The following SLC9A9 variants were observed in gnomAD, a reference collection of about 807,000 sequenced individuals.
SLC9A9 encodes the protein sodium/hydrogen exchanger 9.
Under a neutral mutation model 77.8 loss-of-function variants are expected in SLC9A9, and 62 were observed. The ratio of observed to expected loss-of-function variants is 0.80; its 90% confidence interval spans 0.65 to 0.98. SLC9A9 has a LOEUF of 0.98. Ranked by LOEUF, SLC9A9 falls within the 50% of genes least tolerant of loss-of-function variation. SLC9A9 has a pLI of 0.00. For synonymous variants in SLC9A9, 320 were observed against 283.5 expected (o/e 1.13, Z -1.29); for missense variants, 775 against 774.9 (o/e 1.00, Z 0.00).
intron 4 of SLC9A9, among the ~76,000 whole-genome samples, chr3:143,695,062 T>TTGGCAGCTCATCCA (rs1178901118): frequency 2.0e-5 from 3 of 152,142 alleles, no homozygotes; most frequent in African/African-American, 7.2e-5. Flanking sequence ...GGCCTCATTC[T>TTGGCAGCTCATCCA]TGGCAGCTCA....
chr3:143,681,387 T>G (rs769243819), intron 5 of SLC9A9, among the ~76,000 whole-genome samples: 4 of 152,226 alleles, frequency 2.6e-5, no homozygotes, highest in Non-Finnish European at 4.4e-5. Context: ...TTTTATTCTC[T>G]TATAATGTAT....
At chr3:143,763,607 T>C (rs186411948) in intron 4 of SLC9A9, among the ~76,000 whole-genome samples, 2 of 152,284 alleles carry the variant, frequency 1.3e-5, no homozygotes, top group East Asian at 3.9e-4. Flanking sequence ...AAGAACTTGT[T>C]TGTACATGCC....
intron 4 of SLC9A9, among the ~76,000 whole-genome samples, chr3:143,733,634 T>C (rs899381214): frequency 5.3e-5 from 8 of 151,976 alleles, no homozygotes; most frequent in Admixed American, 3.9e-4. Context: ...CACCCTGGTG[T>C]GACTCCTGGT....
At chr3:143,787,241 T>C (rs565029410) in intron 4 of SLC9A9, among the ~76,000 whole-genome samples, 1 of 152,346 alleles carries the variant, frequency 6.6e-6, no homozygotes, top group East Asian at 1.9e-4. Context: ...TTCTTTTTAA[T>C]ATAATTGATA....
At chr3:143,753,337 G>T (rs1177985059) in intron 4 of SLC9A9, among the ~76,000 whole-genome samples, 1 of 152,150 alleles carries the variant, frequency 6.6e-6, no homozygotes, top group Non-Finnish European at 1.5e-5. Flanking sequence ...GGACTAGCTG[G>T]ACTTTGCAGA....
chr3:143,530,519 AC>A (rs2036488883), intron 9 of SLC9A9, among the ~76,000 whole-genome samples: 2 of 152,110 alleles, frequency 1.3e-5, no homozygotes, highest in South Asian at 4.1e-4. Flanking sequence ...ATTATAAATT[AC>A]CCAGTGTTGG....
chr3:143,535,457 C>T (rs952557313), intron 9 of SLC9A9, among the ~76,000 whole-genome samples: 1 of 152,010 alleles, frequency 6.6e-6, no homozygotes, highest in Non-Finnish European at 1.5e-5. Context: ...AATTTACTTT[C>T]TTTATTTTTT....
intron 2 of SLC9A9, among the ~76,000 whole-genome samples, chr3:143,821,996 T>G (rs115966715): frequency 7.2e-5 from 11 of 152,302 alleles, no homozygotes; most frequent in African/African-American, 2.6e-4. Flanking sequence ...TGTCAGTCCC[T>G]TTAGGGATTG....
At chr3:143,296,035 G>T (rs1016838226) in intron 14 of SLC9A9, among the ~76,000 whole-genome samples, 1 of 152,136 alleles carries the variant, frequency 6.6e-6, no homozygotes, top group Admixed American at 6.5e-5. Flanking sequence ...ATCAGAGCTG[G>T]ATAACTTTTT....
intron 5 of SLC9A9, among the ~76,000 whole-genome samples, chr3:143,676,771 CA>C (rs1214416067): frequency 1.3e-5 from 2 of 151,798 alleles, no homozygotes; most frequent in South Asian, 2.1e-4. Context: ...CAAAACAAAA[CA>C]AAAAAACCCA....
At chr3:143,753,795 C>T (rs1197046170) in intron 4 of SLC9A9, among the ~76,000 whole-genome samples, 1 of 151,920 alleles carries the variant, frequency 6.6e-6, no homozygotes, top group Non-Finnish European at 1.5e-5. Flanking sequence ...ATGTGTAATG[C>T]TAATAGATGT....
At chr3:143,554,582 C>T (rs2036947494) in intron 8 of SLC9A9, among the ~76,000 whole-genome samples, 1 of 152,172 alleles carries the variant, frequency 6.6e-6, no homozygotes, top group Non-Finnish European at 1.5e-5. Flanking sequence ...CCCATGGTAG[C>T]CCCTAGCAAT....
intron 5 of SLC9A9, among the ~76,000 whole-genome samples, chr3:143,686,337 T>C (rs1933262781): frequency 1.3e-5 from 2 of 151,860 alleles, no homozygotes; most frequent in South Asian, 2.1e-4. Flanking sequence ...AGTAAATAAA[T>C]AGGTAAATAA....
chr3:143,660,229 T>G (rs369862872), intron 5 of SLC9A9, among the ~76,000 whole-genome samples: 1 of 151,988 alleles, frequency 6.6e-6, no homozygotes, highest in Admixed American at 6.6e-5. Context: ...AGCAGAAAAA[T>G]TTATTAGGCT....
At chr3:143,369,875 C>T (rs558667530) in intron 13 of SLC9A9, among the ~76,000 whole-genome samples, 11 of 152,246 alleles carry the variant, frequency 7.2e-5, no homozygotes, top group South Asian at 2.1e-4. Context: ...GTTGTGAGGA[C>T]GCTCAAGAAG....
At chr3:143,813,000 A>G (rs1183225806) in intron 2 of SLC9A9, among the ~76,000 whole-genome samples, 1 of 152,098 alleles carries the variant, frequency 6.6e-6, no homozygotes, top group East Asian at 1.9e-4. Flanking sequence ...AAGAGTAACT[A>G]TTGGTTGCTT....
At chr3:143,663,726 G>T (rs1321763006) in intron 5 of SLC9A9, among the ~76,000 whole-genome samples, 3 of 152,142 alleles carry the variant, frequency 2.0e-5, no homozygotes, top group Admixed American at 6.5e-5. Context: ...AGTGATGGAA[G>T]ATCAAATTAA....
chr3:143,642,172 T>C (rs1247975160), intron 6 of SLC9A9, among the ~76,000 whole-genome samples: 1 of 152,238 alleles, frequency 6.6e-6, no homozygotes, highest in Admixed American at 6.5e-5. Flanking sequence ...TGCAATACTT[T>C]GAACCTATTA....
At chr3:143,335,423 C>T (rs964248168) in intron 14 of SLC9A9, among the ~76,000 whole-genome samples, 1 of 152,016 alleles carries the variant, frequency 6.6e-6, no homozygotes, top group Non-Finnish European at 1.5e-5. Flanking sequence ...GAAAAAGATT[C>T]TAAAATTCAC....
Sources: gnomAD v4.1 joint callset for allele counts (sites outside exome capture counted in the v4.1 genomes callset) on GRCh38, gnomAD v4.1.1 for gene constraint, MANE v1.5 for transcripts, NCBI Gene and HGNC (gene_info 2026-07-23, HGNC 2026-07-21) for gene names.